Variants in OGFOD2 observed in about 807,000 individuals in gnomAD.
OGFOD2 encodes 2-oxoglutarate and iron-dependent oxygenase domain-containing protein 2.
Under a neutral mutation model 31.1 loss-of-function variants are expected in OGFOD2, and 34 were observed. The observed-to-expected ratio is 1.09, with a 90% confidence interval of 0.83 to 1.45. The LOEUF (loss-of-function observed/expected upper bound fraction) is 1.45, where lower values mean the gene tolerates loss of function less well. OGFOD2 is among the 40% of genes most tolerant of loss of function. OGFOD2 has a pLI of 0.00. For synonymous variants in OGFOD2, 240 were observed against 192.3 expected (o/e 1.25, Z -2.05); for missense variants, 537 against 433.9 (o/e 1.24, Z -2.11).
chr12:122,979,162 A>C, exon 7 of OGFOD2: 1 of 1,610,638 alleles, frequency 6.2e-7, no homozygotes. Context: ...GGCCAGCTGC[A>C]TGGAGCCCGG....
At chr12:122,978,536 T>C (rs757726240) in exon 5 of OGFOD2, 24 of 1,613,146 alleles carry the variant, frequency 1.5e-5, no homozygotes, top group Non-Finnish European at 1.9e-5. Context: ...CGGACATGCC[T>C]AAGGGGAGGC....
chr12:122,975,883 C>T lies in OGFOD2; in HGVS notation c.189+16C>T, dbSNP rs1239470007. The T allele has an allele frequency of 1.3e-5, 9 of 699,988 alleles. 1 individual carries two copies. Among genetic ancestry groups the T allele is most frequent in the African/African-American group, 1.2e-4 (7 of 57,182 alleles). 43.4% of individuals were successfully genotyped at this position (699,988 alleles called of 1,614,324 possible). On this transcript the variant is annotated intron_variant, in intron 2 of 6. Coordinates refer to ENST00000228922, the Ensembl canonical transcript of OGFOD2. ...GTTAGCAGAGGTACCAGTCCCCTGC[C>T]CCTGCACAGCTCCTCCTCGTTAGAT...
chr12:122,976,461 G>C, intron 2 of OGFOD2, 193 bp from the exon 3 acceptor site: 1 of 1,574,366 alleles, frequency 6.4e-7, no homozygotes, highest in Admixed American at 1.7e-5. Context: ...AAACAGGATG[G>C]GTCCCCTTCT....
chr12:122,976,969 G>T (rs201760727), exon 4 of OGFOD2: 1 of 1,613,120 alleles, frequency 6.2e-7, no homozygotes, highest in Non-Finnish European at 8.5e-7. Context: ...AGACAGTATC[G>T]GGTGAGGTCC....
exon 7 of OGFOD2, chr12:122,979,549 CAG>C: frequency 3.1e-6 from 2 of 652,278 alleles, no homozygotes; most frequent in Non-Finnish European, 5.1e-6. Context: ...GCGAGGGAGT[CAG>C]GGAAGCAGGG....
Position 122,978,874 on chromosome 12 carries a change from G to A in OGFOD2, c.653G>A (p.Arg218Gln), listed in dbSNP as rs773533583. ...GGCGGGGGCCGGCTCGACAGCCACC[G>A]GGCCTTTGTGGTCAAATACGCACCG... Residue 218 changes from arginine to glutamine, a missense_variant, in exon 6 of 7, where the codon CGG (arginine) becomes CAG (glutamine). Physicochemically the swap from Arg to Gln is conservative, Grantham distance 43. Transcript: ENST00000228922. 1.2e-5 allele frequency: 19 copies of A among 1,611,590 alleles called. No homozygotes were observed. The South Asian group carries it at 1.3e-4, about 11-fold the overall frequency.
chr12:122,977,216 T>G (rs1314843961), intron 4 of OGFOD2: 14 of 523,296 alleles, frequency 2.7e-5, no homozygotes, highest in Admixed American at 1.3e-4. Flanking sequence ...ATCCAGCAAA[T>G]AGTGGATATT....
intron 1 of OGFOD2, 186 bp downstream of exon 1, chr12:122,975,569 T>G (rs994437051): frequency 3.4e-6 from 2 of 591,638 alleles, no homozygotes; most frequent in African/African-American, 3.7e-5. Flanking sequence ...TGTGAGATTG[T>G]GAGGAAGGAA....
chr12:122,978,264 G>C (rs1045121305), intron 4 of OGFOD2, 178 bp from the exon 5 acceptor site: 7 of 698,936 alleles, frequency 1.0e-5, no homozygotes, highest in Non-Finnish European at 1.6e-5. Context: ...GGGCATAAGT[G>C]GGGGGCATGG....
chr12:122,976,308 G>T lies in OGFOD2; in HGVS notation c.190-346G>T, dbSNP rs192776496. On this transcript the variant is annotated intron_variant, in intron 2 of 6. Transcript: ENST00000228922. ...CCTCCTCCTTCCCCTGGAGTCAGTG[G>T]TGGGAAGCTTCCCAGGAGAGTCCTC... is the stretch of plus-strand genomic sequence containing the variant. The T allele has an allele frequency of 3.0e-5, 45 of 1,485,680 alleles. No individual in the cohort carries two copies. In the East Asian group the frequency reaches 9.6e-4, roughly 32 times the overall value. The allele number at this position is 1,485,680 out of a possible 1,614,324, so 92.0% of individuals were successfully genotyped here.
exon 4 of OGFOD2, chr12:122,976,946 C>T: frequency 1.2e-6 from 2 of 1,613,852 alleles, no homozygotes; most frequent in Non-Finnish European, 1.7e-6. Context: ...CAAGGGCCTT[C>T]TCCAGCGGCT....
chr12:122,975,554 C>G, intron 1 of OGFOD2, 171 bp downstream of exon 1: 3 of 592,872 alleles, frequency 5.1e-6, no homozygotes, highest in Non-Finnish European at 9.1e-6. Flanking sequence ...GTAATAGTAT[C>G]TCCCTGTGAG....
intron 2 of OGFOD2, chr12:122,976,076 G>A (rs1442398590): frequency 6.7e-6 from 4 of 598,192 alleles, no homozygotes; most frequent in Admixed American, 2.8e-5. Context: ...AAGTTGCCTA[G>A]TCATGCCGTT....
At chr12:122,976,260 C>T in intron 2 of OGFOD2, 1 of 917,338 alleles carries the variant, frequency 1.1e-6, no homozygotes, top group Non-Finnish European at 1.7e-6. Flanking sequence ...CAGGCTGCTG[C>T]CAGGGCTGCT....
At chr12:122,979,611 C>A in exon 7 of OGFOD2, 1 of 511,626 alleles carries the variant, frequency 2.0e-6, no homozygotes, top group Non-Finnish European at 3.5e-6. Flanking sequence ...GACGTCCAGC[C>A]TCAGCTGGCC....
rs964036085 is a variant in OGFOD2 at position 122,976,467 on chromosome 12, C to T, written c.190-187C>T. The T allele has an allele frequency of 2.6e-6, 4 of 1,544,930 alleles. No homozygotes were observed. In the African/African-American group the frequency reaches 4.1e-5, roughly 16 times the overall value. ...GGCAGCCTGAAACAGGATGGGTCCC[C>T]TTCTAGAAGTCCCTTTCAGCTAACA... On this transcript the variant is annotated intron_variant, in intron 2 of 6. Transcript: ENST00000228922.
At chr12:122,979,103 G>A (rs2135960391) in exon 7 of OGFOD2, 3 of 1,599,868 alleles carry the variant, frequency 1.9e-6, no homozygotes, top group Non-Finnish European at 2.6e-6. Context: ...CCCTGACGGA[G>A]CCCCTGGAGG....
intron 2 of OGFOD2, 72 bp from the exon 3 acceptor site, chr12:122,976,582 A>G (rs1444502880): frequency 3.8e-6 from 5 of 1,321,424 alleles, no homozygotes; most frequent in Non-Finnish European, 3.3e-6. Flanking sequence ...TCTGGGCTTC[A>G]GTTTCTTCAT....
At chr12:122,975,926 G>C (rs1428766109) in intron 2 of OGFOD2, 59 bp downstream of exon 2, 4 of 691,698 alleles carry the variant, frequency 5.8e-6, no homozygotes, top group Middle Eastern at 2.3e-4. Flanking sequence ...CGCAGCTTGA[G>C]GACACAGCTT....
Sources: allele counts gnomAD v4.1 joint callset, GRCh38; gene constraint gnomAD v4.1.1; transcripts MANE v1.5; gene names NCBI Gene and HGNC (gene_info 2026-07-23, HGNC 2026-07-21).